Variants in KCNAB1 observed in about 807,000 individuals in gnomAD.
The protein encoded by KCNAB1 is potassium voltage-gated channel subfamily A regulatory beta subunit 1.
A neutral mutation model predicts 64.6 loss-of-function variants in KCNAB1; 35 were observed. The ratio of observed to expected loss-of-function variants is 0.54; its 90% CI spans 0.41 to 0.72. The LOEUF is 0.72. Ranked by LOEUF, KCNAB1 falls within the 30% of genes least tolerant of loss-of-function variation. The pLI is 0.00. For missense variants in KCNAB1, 401 were observed against 512.9 expected (o/e 0.78, Z 2.11); for synonymous variants, 177 against 183.8 (o/e 0.96, Z 0.30).
At chr3:156,522,389 G>T (rs943133148) in intron 11 of KCNAB1, among the ~76,000 whole-genome samples, 1 of 152,012 alleles carries the variant, frequency 6.6e-6, no homozygotes, top group East Asian at 1.9e-4. Context: ...AGTCTGCCCC[G>T]GCCCCAAGGC....
intron 1 of KCNAB1, among the ~76,000 whole-genome samples, chr3:156,255,967 C>T (rs1441958571): frequency 2.0e-5 from 3 of 152,146 alleles, no homozygotes; most frequent in South Asian, 2.1e-4. Context: ...GTTCCTAGCA[C>T]CTGGAGCAGC....
chr3:156,150,832 A>G (rs1173530097), intron 1 of KCNAB1, among the ~76,000 whole-genome samples: 1 of 152,230 alleles, frequency 6.6e-6, no homozygotes, highest in African/African-American at 2.4e-5. Flanking sequence ...TTAAAAAGGT[A>G]AGACCAGCAT....
chr3:156,391,489 C>T (rs1713037956), intron 1 of KCNAB1, among the ~76,000 whole-genome samples: 1 of 152,136 alleles, frequency 6.6e-6, no homozygotes, highest in African/African-American at 2.4e-5. Context: ...AATTGTGCTG[C>T]TTTAAGAGAG....
At chr3:156,142,353 C>T (rs1477612255) in intron 1 of KCNAB1, among the ~76,000 whole-genome samples, 1 of 152,118 alleles carries the variant, frequency 6.6e-6, no homozygotes, top group Non-Finnish European at 1.5e-5. Context: ...AGGATTTTCT[C>T]CTGTTTTTAC....
rs918924853 is a variant in KCNAB1, at chr3:156,313,528, G to A, written c.276-108088G>A. 2.6e-5 allele frequency among the ~76,000 whole-genome samples: 4 copies of A among 152,340 alleles called. No homozygotes were observed. In the South Asian group the frequency reaches 8.3e-4, roughly 32 times the overall value. ...GAAGGCGATGTGATGATGGAGCAGTGAGAGATTGAGGATGTCATGCTGCTA... is the reference window on the plus strand; with the variant it reads ...GAAGGCGATGTGATGATGGAGCAGTAAGAGATTGAGGATGTCATGCTGCTA... On this transcript the variant is annotated intron_variant, in intron 1 of 13. Coordinates refer to ENST00000490337, the MANE Select transcript of KCNAB1 (RefSeq NM_172160.3).
At chr3:156,477,292 T>A (rs1430964427) in intron 8 of KCNAB1, among the ~76,000 whole-genome samples, 4 of 152,200 alleles carry the variant, frequency 2.6e-5, no homozygotes, top group Non-Finnish European at 5.9e-5. Flanking sequence ...TAGTTTCTTA[T>A]ATACAATTCC....
At chr3:156,305,380 AG>A (rs765817214) in intron 1 of KCNAB1, among the ~76,000 whole-genome samples, 19 of 152,322 alleles carry the variant, frequency 1.2e-4, no homozygotes, top group Non-Finnish European at 2.4e-4. Flanking sequence ...AAAGGATTGC[AG>A]GATGGATGAA....
At chr3:156,148,390 A>G (rs549750839) in intron 1 of KCNAB1, among the ~76,000 whole-genome samples, 1 of 152,364 alleles carries the variant, frequency 6.6e-6, no homozygotes, top group African/African-American at 2.4e-5. Context: ...GTGCTGGTAC[A>G]TACTTGTTGC....
chr3:156,161,861 A>G (rs536247335), intron 1 of KCNAB1, among the ~76,000 whole-genome samples: 3 of 152,350 alleles, frequency 2.0e-5, no homozygotes, highest in African/African-American at 7.2e-5. Flanking sequence ...ACATAATAGT[A>G]TTATCTACAA....
At chr3:156,345,834 A>T (rs944094242) in intron 1 of KCNAB1, among the ~76,000 whole-genome samples, 1 of 152,230 alleles carries the variant, frequency 6.6e-6, no homozygotes, top group Non-Finnish European at 1.5e-5. Flanking sequence ...GAAGGAAAAG[A>T]TAAGAAAAAG....
intron 1 of KCNAB1, among the ~76,000 whole-genome samples, chr3:156,216,147 A>G (rs772572430): frequency 2.0e-5 from 3 of 152,212 alleles, no homozygotes; most frequent in Admixed American, 2.0e-4. Flanking sequence ...AACTTAGGCA[A>G]TACGTTAATG....
chr3:156,465,593 A>G (rs41267915), intron 6 of KCNAB1, 50 bp from the exon 7 acceptor site: 96,683 of 1,535,250 alleles, frequency 0.063, 5,287 homozygotes, highest in African/African-American at 0.29. Flanking sequence ...TTTAGAGAAG[A>G]AAAGAAAGCA....
intron 1 of KCNAB1, among the ~76,000 whole-genome samples, chr3:156,142,207 T>C (rs2108280826): frequency 6.6e-6 from 1 of 152,336 alleles, no homozygotes; most frequent in East Asian, 1.9e-4. Context: ...AATTTGCTTT[T>C]TAAAATCCCC....
intron 5 of KCNAB1, among the ~76,000 whole-genome samples, 180 bp from the exon 6 acceptor site, chr3:156,463,522 C>T (rs571755888): frequency 2.0e-5 from 3 of 152,276 alleles, no homozygotes; most frequent in South Asian, 2.1e-4. Context: ...TTGAGTCCCC[C>T]GCACTAGCTT....
chr3:156,393,469 T>G (rs1713195500), intron 1 of KCNAB1, among the ~76,000 whole-genome samples: 1 of 152,144 alleles, frequency 6.6e-6, no homozygotes, highest in South Asian at 2.1e-4. Context: ...TACCCTTCTC[T>G]TACTAATCCA....
Position 156,267,646 on chromosome 3 carries a change from T to C in KCNAB1, c.275+146760T>C, listed in dbSNP as rs141273301. On this transcript the variant is annotated intron_variant, in intron 1 of 13. Coordinates refer to ENST00000490337, the MANE Select transcript of KCNAB1 (RefSeq NM_172160.3). The stretch of plus-strand genomic sequence containing the variant: ...CCTGATAGACAACTCAACCTCCCCA[T>C]TGAAGCCGCTCTATCTGCTGGTAGA... Among the ~76,000 whole-genome samples, 286 of 152,310 alleles carry C rather than the reference T, an allele frequency of 1.9e-3. 1 individual carries two copies. Among genetic ancestry groups the C allele is most frequent in the African/African-American group, 6.4e-3 (266 of 41,574 alleles).
chr3:156,249,049 A>AT (rs1228517697), intron 1 of KCNAB1, among the ~76,000 whole-genome samples: 4 of 150,948 alleles, frequency 2.6e-5, no homozygotes, highest in East Asian at 1.9e-4. Context: ...TAATTTTTTA[A>AT]TTTTTTTATT....
At chr3:156,426,673 T>C (rs1349742808) in intron 2 of KCNAB1, among the ~76,000 whole-genome samples, 1 of 152,262 alleles carries the variant, frequency 6.6e-6, no homozygotes, top group Non-Finnish European at 1.5e-5. Context: ...ACTGTCTTTT[T>C]ACTGTCTGCA....
chr3:156,369,755 A>G (rs1047971969), intron 1 of KCNAB1, among the ~76,000 whole-genome samples: 7 of 152,238 alleles, frequency 4.6e-5, no homozygotes, highest in Admixed American at 2.6e-4. Flanking sequence ...TTAAGCTTAA[A>G]CAAATGTCAC....
Sources: allele counts gnomAD v4.1 joint callset (sites outside exome capture counted in the v4.1 genomes callset), GRCh38; gene constraint gnomAD v4.1.1; transcripts MANE v1.5; gene names NCBI Gene and HGNC (gene_info 2026-07-23, HGNC 2026-07-21).